Variants in OCIAD1 observed in about 807,000 individuals in gnomAD.
The protein encoded by OCIAD1 is OCIA domain containing 1.
A neutral mutation model predicts 38.9 loss-of-function variants in OCIAD1; 29 were observed. That is an observed-to-expected ratio of 0.74 (90% CI 0.55 to 1.02). OCIAD1 has a LOEUF of 1.02. Ranked by LOEUF, OCIAD1 falls within the 50% of genes least tolerant of loss-of-function variation. The probability of loss-of-function intolerance (pLI) is 0.00; values close to 1 mark genes in which losing one functional copy is unlikely to be tolerated. For missense variants in OCIAD1, 288 were observed against 289.6 expected (o/e 0.99, Z 0.04); for synonymous variants, 110 against 92.0 (o/e 1.20, Z -1.12).
chr4:48,855,019 G>A (rs2572342), intron 7 of OCIAD1, among the ~76,000 whole-genome samples: 149,547 of 152,332 alleles, frequency 0.98, 73,463 homozygotes, highest in East Asian at 1. Context: ...TCTCTCCATA[G>A]TGTGGGAAAT....
In OCIAD1 at chr4:48,857,366, G is replaced by T; in HGVS notation, c.700+1G>T. On this transcript the variant is annotated splice_donor_variant, in intron 8 of 8. Coordinates refer to ENST00000264312, the MANE Select transcript of OCIAD1 (RefSeq NM_017830.4). LOFTEE classifies it high-confidence loss of function. ...CATGAAAGAGTGCCAAAAAAAGAAGGTATGATAGTTTAGTCTGAATCACTT... is the reference window on the plus strand; with the variant it reads ...CATGAAAGAGTGCCAAAAAAAGAAGTTATGATAGTTTAGTCTGAATCACTT... The T allele has an allele frequency of 6.5e-7, 1 of 1,534,058 alleles. No individual in the cohort carries two copies. The highest frequency in any genetic ancestry group is 2.4e-5 in the East Asian group (1 of 42,366).
chr4:48,842,132 T>C (rs561005372), intron 3 of OCIAD1, among the ~76,000 whole-genome samples: 1 of 152,294 alleles, frequency 6.6e-6, no homozygotes, highest in East Asian at 1.9e-4. Context: ...AGTTTCCTTA[T>C]CTTTAAAAGG....
chr4:48,851,767 G>C, intron 6 of OCIAD1, 39 bp from the exon 7 acceptor site: 1 of 1,174,514 alleles, frequency 8.5e-7, no homozygotes, highest in African/African-American at 1.5e-5. Context: ...TATAGGCAAT[G>C]ACTCATATTT....
At chr4:48,828,078 G>A (rs899031832), upstream of OCIAD1, among the ~76,000 whole-genome samples, 1 of 151,996 alleles carries the variant, frequency 6.6e-6, no homozygotes, top group African/African-American at 2.4e-5. Context: ...AGTGCTCTGT[G>A]TCTGGCTAAT....
chr4:48,838,226 G>C (rs1778179745), intron 3 of OCIAD1, among the ~76,000 whole-genome samples: 1 of 151,784 alleles, frequency 6.6e-6, no homozygotes, highest in Non-Finnish European at 1.5e-5. Flanking sequence ...GCTGAGACAG[G>C]AGAATCGCTT....
rs1040013941 is a variant in OCIAD1 at position 48,851,880 on chromosome 4, A to G, written c.452A>G (p.Asp151Gly). 4 of 1,613,508 alleles carry G rather than the reference A, an allele frequency of 2.5e-6. No homozygotes were observed. Among genetic ancestry groups the G allele is most frequent in the African/African-American group, 1.3e-5 (1 of 74,912 alleles). The change falls in exon 7 of 9, where the codon GAC becomes GGC. Residue 151 changes from aspartate (D) to glycine (G), a missense_variant. Transcript: ENST00000264312. ...QSSFVTSPAA[D>G]NIEMLPHYEP... ...TCTTTTGTGACATCCCCAGCAGCAG[A>G]CAACATAGAAATGCTTCCTCATTAT...
At chr4:48,818,779 C>T (rs1022193574) in intron 1 of OCIAD1, among the ~76,000 whole-genome samples, 2 of 151,824 alleles carry the variant, frequency 1.3e-5, no homozygotes, top group Admixed American at 6.6e-5. Flanking sequence ...GTGAAGCATA[C>T]ACAAGTATCA....
chr4:48,812,174 T>C (rs1481501501), intron 1 of OCIAD1, among the ~76,000 whole-genome samples: 2 of 147,186 alleles, frequency 1.4e-5, no homozygotes, highest in Non-Finnish European at 3.0e-5. Flanking sequence ...TCCCAGCTAC[T>C]TGGGAGGCTG....
At chr4:48,852,110 T>G in intron 7 of OCIAD1, 135 bp downstream of exon 7, 1 of 641,896 alleles carries the variant, frequency 1.6e-6, no homozygotes, top group Non-Finnish European at 2.6e-6. Context: ...AGCATGTTTG[T>G]TCATTTGTTT....
intron 6 of OCIAD1, among the ~76,000 whole-genome samples, chr4:48,851,086 TGA>T (rs1486953560): frequency 6.6e-6 from 1 of 152,238 alleles, no homozygotes; most frequent in African/African-American, 2.4e-5. Flanking sequence ...ATAATCCCCA[TGA>T]GAGAGAATTT....
In OCIAD1 at chr4:48,842,651, C is replaced by A; in HGVS notation, c.155C>A (p.Ala52Glu). 1 of 1,572,772 alleles carries A rather than the reference C, an allele frequency of 6.4e-7. No individual in the cohort carries two copies. Among genetic ancestry groups the A allele is most frequent in the Non-Finnish European group, 8.6e-7 (1 of 1,160,602 alleles). ...CTTCCTATAGCTGTGCCTTTGGCTG[C>A]AACAAGTATGTTGATTACTCAAGGA... ...SFWFRSVPLA[A>E]TSMLITQGLI... The change falls in exon 4 of 9, where the codon GCA becomes GAA. Residue 52 changes from alanine to glutamate, a missense_variant. Ala to Glu is a moderately radical substitution (Grantham distance 107). Transcript: ENST00000264312.
At chr4:48,806,404 C>T (rs1777025139) in intron 1 of OCIAD1, among the ~76,000 whole-genome samples, 1 of 152,110 alleles carries the variant, frequency 6.6e-6, no homozygotes, top group Non-Finnish European at 1.5e-5. Context: ...TCCAAAATCA[C>T]TTTTATGATT....
At position 48,849,895 on chromosome 4, in the gene OCIAD1, T is replaced by C; in HGVS notation, c.242-52T>C. ...ACAAATTTTTCTTTTAGAAAATACT[T>C]TTGTCTGAAAGGCACATTCAGTTAC... On this transcript the variant is annotated intron_variant, in intron 5 of 8. Coordinates refer to ENST00000264312, the MANE Select transcript of OCIAD1 (RefSeq NM_017830.4). The C allele has an allele frequency of 3.3e-6, 5 of 1,513,332 alleles. No individual in the cohort carries two copies. The South Asian group carries it at 4.9e-5, about 15-fold the overall frequency. The allele number at this position is 1,513,332 out of a possible 1,614,324, so 93.7% of individuals were successfully genotyped here. A position where few individuals can be genotyped will look rare whatever the true frequency, so the allele number is the denominator to read the frequency against.
chr4:48,837,222 C>T (rs1337353164), intron 3 of OCIAD1: 4 of 151,830 alleles, frequency 2.6e-5, no homozygotes, highest in African/African-American at 9.7e-5. Flanking sequence ...ATCCACCTGC[C>T]TCGGCCTCCC....
intron 1 of OCIAD1, chr4:48,831,480 T>C (rs1261349558): frequency 7.8e-7 from 1 of 1,290,126 alleles, no homozygotes; most frequent in South Asian, 1.2e-5. Context: ...GGGTTGCTGC[T>C]CAGTCTGTAA....
chr4:48,827,659 G>A (rs1272291979), upstream of OCIAD1, among the ~76,000 whole-genome samples: 2 of 152,252 alleles, frequency 1.3e-5, no homozygotes, highest in Admixed American at 6.5e-5. Flanking sequence ...TGTTCCCACA[G>A]AAGGAGCTCA....
chr4:48,819,148 GA>G (rs1209038935), intron 1 of OCIAD1, among the ~76,000 whole-genome samples: 2 of 151,734 alleles, frequency 1.3e-5, no homozygotes, highest in East Asian at 1.9e-4. Flanking sequence ...GAAAACGAAG[GA>G]AAAAAATGTT....
intron 1 of OCIAD1, among the ~76,000 whole-genome samples, chr4:48,824,180 C>T (rs1225550771): frequency 2.0e-5 from 3 of 152,002 alleles, no homozygotes; most frequent in South Asian, 2.1e-4. Context: ...GGGTTTTTGC[C>T]GTGTTGCCCA....
intron 1 of OCIAD1, among the ~76,000 whole-genome samples, chr4:48,824,671 CTTT>C (rs1777231023): frequency 6.6e-6 from 1 of 152,110 alleles, no homozygotes; most frequent in Non-Finnish European, 1.5e-5. Flanking sequence ...GCACTGGCCT[CTTT>C]TCTTTCATTA....
Sources: gnomAD v4.1 joint callset for allele counts (sites outside exome capture counted in the v4.1 genomes callset) on GRCh38, gnomAD v4.1.1 for gene constraint, MANE v1.5 for transcripts, NCBI Gene and HGNC (gene_info 2026-07-23, HGNC 2026-07-21) for gene names.